The following GRK5 variants were observed in gnomAD, a reference collection of about 807,000 sequenced individuals.
The protein encoded by GRK5 is G protein-coupled receptor kinase 5.
Under a neutral mutation model 78.4 loss-of-function variants are expected in GRK5, and 40 were observed. The observed-to-expected ratio is 0.51, with a 90% CI of 0.40 to 0.66. The LOEUF (loss-of-function observed/expected upper bound fraction) is 0.66. Ranked by LOEUF, GRK5 falls within the 30% of genes least tolerant of loss-of-function variation. The pLI, the probability that GRK5 is intolerant of heterozygous loss-of-function variation, is 0.00. For missense variants in GRK5, 598 were observed against 759.9 expected, an observed-to-expected ratio of 0.79 and a Z score of 2.50; for synonymous variants, 289 against 296.8, an observed-to-expected ratio of 0.97 and a Z score of 0.27.
At chr10:119,302,523 G>A (rs1237295620) in intron 1 of GRK5, among the ~76,000 whole-genome samples, 2 of 152,194 alleles carry the variant, frequency 1.3e-5, no homozygotes, top group Non-Finnish European at 2.9e-5. Flanking sequence ...GCTGCATAGG[G>A]TGGAGGATGG....
At position 119,207,675 on chromosome 10, in the gene GRK5, G is replaced by T; in HGVS notation, c.-243G>T. The T allele has an allele frequency of 2.4e-6, 1 of 420,156 alleles. No homozygotes were observed. The highest frequency in any genetic ancestry group is 2.5e-5 in the South Asian group (1 of 40,514). 26.0% of individuals were successfully genotyped at this position (420,156 alleles called of 1,614,324 possible). A position where few individuals can be genotyped will look rare whatever the true frequency, so the allele number is the denominator to read the frequency against. On this transcript the variant is annotated 5_prime_UTR_variant, in exon 1 of 16. It adds an upstream start codon to the 5' untranslated region. Transcript: ENST00000392870. ...GGGTGGGGGGGAGCGTGTTGAGGGA[G>T]GGGGGAGGGGGGACACAGAGGGAGG...
At position 119,336,750 on chromosome 10, in the gene GRK5, G is replaced by A. The variant is rs777565332; in HGVS notation, c.148+10139G>A. Among the ~76,000 whole-genome samples the A allele has an allele frequency of 6.6e-5, 10 of 152,190 alleles. No homozygotes were observed. The highest frequency in any genetic ancestry group is 1.5e-4 in the Non-Finnish European group (10 of 68,038). On this transcript the variant is annotated intron_variant, in intron 2 of 15. Coordinates refer to ENST00000392870, the MANE Select transcript of GRK5 (RefSeq NM_005308.3). The surrounding 1 kb of genome is among the most constrained non-coding windows in gnomAD (Gnocchi z 4.5). ...TTGCTGTCCTTGGGGTGATAAGGGC[G>A]CGTCATGTCTGTCGTTCTGCCACCT...
At chr10:119,268,411 T>C (rs1849535202) in intron 1 of GRK5, among the ~76,000 whole-genome samples, 2 of 152,246 alleles carry the variant, frequency 1.3e-5, no homozygotes, top group Admixed American at 1.3e-4. Flanking sequence ...TTTCAGCAGA[T>C]GGTCCTGATG....
intron 3 of GRK5, among the ~76,000 whole-genome samples, chr10:119,395,141 T>C (rs1333504693): frequency 6.6e-6 from 1 of 152,204 alleles, no homozygotes; most frequent in Non-Finnish European, 1.5e-5. Flanking sequence ...TGAGCCTCTG[T>C]GTCCAGCCCT....
At chr10:119,422,166 G>T (rs909046737) in intron 4 of GRK5, among the ~76,000 whole-genome samples, 6 of 147,644 alleles carry the variant, frequency 4.1e-5, no homozygotes, top group African/African-American at 1.2e-4. Flanking sequence ...CAGCCCCTGG[G>T]AACAGCTGGC....
At chr10:119,307,783 T>C (rs950704308) in intron 1 of GRK5, among the ~76,000 whole-genome samples, 40 of 152,194 alleles carry the variant, frequency 2.6e-4, no homozygotes, top group Admixed American at 2.6e-3. Flanking sequence ...CGAGCCCTCC[T>C]TTCTGCATAC....
At chr10:119,443,819 C>G (rs1352637355) in intron 12 of GRK5, 67 bp downstream of exon 12, 3 of 1,363,982 alleles carry the variant, frequency 2.2e-6, no homozygotes, top group Non-Finnish European at 3.0e-6. Context: ...TGGCCCCAGT[C>G]TGTCCCCAGA....
chr10:119,326,481 G>T (rs1402040493), intron 1 of GRK5, 35 bp from the exon 2 acceptor site: 5 of 1,562,776 alleles, frequency 3.2e-6, no homozygotes, highest in Admixed American at 3.3e-5. Context: ...AGGCTCTGGA[G>T]CCTCAGCCAG....
At chr10:119,441,242 C>T (rs1405677578) in intron 10 of GRK5, among the ~76,000 whole-genome samples, 1 of 152,220 alleles carries the variant, frequency 6.6e-6, no homozygotes, top group African/African-American at 2.4e-5. Context: ...GGAGTCCACA[C>T]GGCTCCAGCC....
chr10:119,237,089 G>C (rs1848947563), intron 1 of GRK5, among the ~76,000 whole-genome samples: 1 of 134,034 alleles, frequency 7.5e-6, no homozygotes, highest in Non-Finnish European at 1.6e-5. Context: ...TTGAGACGGA[G>C]TCTCACTCTG....
At chr10:119,441,958 C>A in intron 10 of GRK5, 41 bp from the exon 11 acceptor site, 1 of 1,539,288 alleles carries the variant, frequency 6.5e-7, no homozygotes, top group East Asian at 2.2e-5. Flanking sequence ...GGTGCCCATG[C>A]GGCTGTCCCA....
In GRK5 at chr10:119,379,191, A is replaced by G. The variant is rs1318605155; in HGVS notation, c.149-1624A>G. On this transcript the variant is annotated intron_variant, in intron 2 of 15. Coordinates refer to ENST00000392870, the MANE Select transcript of GRK5 (RefSeq NM_005308.3). The surrounding 1 kb of genome is among the most constrained non-coding windows in gnomAD (Gnocchi z 4.1). ...CCAGCATCTGGTCTGAGTGGTTTCT[A>G]TGTATTGTCTTATTCATTCTTCGGG... 6.6e-6 allele frequency among the ~76,000 whole-genome samples: 1 copy of G among 152,158 alleles called. No individual in the cohort carries two copies. Among genetic ancestry groups the G allele is most frequent in the Admixed American group, 6.5e-5 (1 of 15,272 alleles).
rs771389165 is a variant in GRK5 at position 119,452,428 on chromosome 10, C to T, written c.1405-243C>T. On this transcript the variant is annotated intron_variant, in intron 13 of 15. Coordinates refer to ENST00000392870, the MANE Select transcript of GRK5 (RefSeq NM_005308.3). This position sits in a 1 kb window ranked among gnomAD's most constrained non-coding sequence, Gnocchi z 4.4. The stretch of plus-strand genomic sequence containing the variant: ...GGGCTGCACTGTCATCTGGAGGGGT[C>T]GCACAAAAAAACCACAGGCCATCAT... 4.4e-5 allele frequency: 23 copies of T among 521,664 alleles called. 1 individual carries two copies. The highest frequency in any genetic ancestry group is 6.6e-5 in the Non-Finnish European group (19 of 289,768). 32.3% of individuals were successfully genotyped at this position (521,664 alleles called of 1,614,324 possible). A position where few individuals can be genotyped will look rare whatever the true frequency, so the allele number is the denominator to read the frequency against.
At chr10:119,335,194 C>T (rs918353018) in intron 2 of GRK5, among the ~76,000 whole-genome samples, 5 of 134,694 alleles carry the variant, frequency 3.7e-5, no homozygotes, top group Non-Finnish European at 6.2e-5. Context: ...CCCTCTCCCC[C>T]CACCTCCTCT....
intron 1 of GRK5, among the ~76,000 whole-genome samples, chr10:119,256,594 C>A (rs553987495): frequency 6.0e-5 from 9 of 151,160 alleles, no homozygotes; most frequent in African/African-American, 1.9e-4. Flanking sequence ...CCACCCCTCA[C>A]CTCTATCGCA....
chr10:119,274,416 A>G (rs2133679266), intron 1 of GRK5, among the ~76,000 whole-genome samples: 1 of 152,360 alleles, frequency 6.6e-6, no homozygotes, highest in East Asian at 1.9e-4. Flanking sequence ...GAGGGATCCC[A>G]GGCGTTAGCT....
At position 119,336,764 on chromosome 10, in the gene GRK5, G is replaced by T. The variant is rs1027693320; in HGVS notation, c.148+10153G>T. ...GTGATAAGGGCGCGTCATGTCTGTC[G>T]TTCTGCCACCTAGCCGTGCTGTGAT... On this transcript the variant is annotated intron_variant, in intron 2 of 15. Transcript: ENST00000392870. This position sits in a 1 kb window ranked among gnomAD's most constrained non-coding sequence, Gnocchi z 4.5. 6.6e-6 allele frequency among the ~76,000 whole-genome samples: 1 copy of T among 152,156 alleles called. No individual in the cohort carries two copies. Among genetic ancestry groups the T allele is most frequent in the Non-Finnish European group, 1.5e-5 (1 of 68,030 alleles).
chr10:119,450,174 C>T (rs1486036594), intron 13 of GRK5, among the ~76,000 whole-genome samples: 1 of 152,184 alleles, frequency 6.6e-6, no homozygotes, highest in Non-Finnish European at 1.5e-5. Flanking sequence ...TGCCATTGGG[C>T]TGATGTCCGA....
intron 3 of GRK5, among the ~76,000 whole-genome samples, chr10:119,396,192 C>G (rs569043586): frequency 1.9e-4 from 29 of 152,334 alleles, no homozygotes; most frequent in Non-Finnish European, 3.5e-4. Flanking sequence ...CTGGTACCAT[C>G]TGCGTTTTAT....
Sources: gnomAD v4.1 joint callset for allele counts (sites outside exome capture counted in the v4.1 genomes callset) on GRCh38, gnomAD v4.1.1 for gene constraint, Gnocchi (gnomAD v3.1) non-coding constraint, MANE v1.5 for transcripts, NCBI Gene and HGNC (gene_info 2026-07-23, HGNC 2026-07-21) for gene names.